Variants in GATB observed in about 807,000 individuals in gnomAD.
The protein encoded by GATB is glutamyl-tRNA amidotransferase subunit B, also known as glutamyl-tRNA(Gln) amidotransferase subunit B, mitochondrial.
GATB carries 39 observed loss-of-function variants against 62.3 expected under a neutral mutation model. The observed-to-expected ratio is 0.63, with a 90% CI of 0.48 to 0.82. GATB has a LOEUF of 0.82. Ranked by LOEUF, GATB falls within the 40% of genes least tolerant of loss-of-function variation. The pLI is 0.00. For missense variants in GATB, 670 were observed against 684.0 expected, an observed-to-expected ratio of 0.98 and a Z score of 0.23; for synonymous variants, 276 against 258.9, an observed-to-expected ratio of 1.07 and a Z score of -0.63.
At chr4:151,739,962 C>T (rs1739451725) in intron 2 of GATB, among the ~76,000 whole-genome samples, 1 of 152,216 alleles carries the variant, frequency 6.6e-6, no homozygotes, top group Non-Finnish European at 1.5e-5. Flanking sequence ...AAGCTTTCTG[C>T]AGAAGCAAGT....
At chr4:151,671,410 C>T in intron 12 of GATB, 108 bp from the exon 13 acceptor site, 1 of 1,069,732 alleles carries the variant, frequency 9.3e-7, no homozygotes, top group Non-Finnish European at 1.4e-6. Flanking sequence ...CGCTTATTTC[C>T]ACTAGTATTA....
intron 9 of GATB, among the ~76,000 whole-genome samples, chr4:151,697,985 A>ATATATATATATATATGTG (rs1560847802): frequency 2.2e-5 from 3 of 138,288 alleles, no homozygotes; most frequent in African/African-American, 8.7e-5. Flanking sequence ...ATATATATAT[A>ATATATATATATATATGTG]TATATATATG....
rs1737835791 is a variant in GATB, at chr4:151,670,720, A to T, written c.*454T>A. The T allele has an allele frequency of 6.5e-6, 1 of 154,886 alleles. No homozygotes were observed. The highest frequency in any genetic ancestry group is 6.4e-5 in the Admixed American group (1 of 15,690). The allele number at this position is 154,886 out of a possible 1,614,324, so 9.6% of individuals were successfully genotyped here. On this transcript the variant is annotated 3_prime_UTR_variant, in exon 13 of 13. Transcript: ENST00000263985. ...TGTTAACCTGTGTTTAGGTCTGAAA[A>T]CAATACATCCAAATTACAGTCTCTC...
At chr4:151,683,344 G>A (rs1738181634) in intron 10 of GATB, among the ~76,000 whole-genome samples, 1 of 152,044 alleles carries the variant, frequency 6.6e-6, no homozygotes, top group Admixed American at 6.6e-5. Context: ...TCCCCATCCC[G>A]CTGCACCCTG....
chr4:151,757,969 T>A (rs1739870627), intron 2 of GATB, among the ~76,000 whole-genome samples: 1 of 152,200 alleles, frequency 6.6e-6, no homozygotes, highest in Non-Finnish European at 1.5e-5. Context: ...ATTTACTTGT[T>A]CCCTTCATAC....
chr4:151,724,481 T>A (rs187948440), intron 2 of GATB: 9 of 152,394 alleles, frequency 5.9e-5, no homozygotes, highest in Admixed American at 4.6e-4. Flanking sequence ...TTCCCAGTCC[T>A]AACAGGATAA....
chr4:151,697,957 A>ATATATATATATATATATATATGTG, intron 9 of GATB, among the ~76,000 whole-genome samples: 1 of 49,702 alleles, frequency 2.0e-5, no homozygotes, highest in African/African-American at 8.9e-5. Flanking sequence ...GTGTGTGTAT[A>ATATATATATATATATATATATGTG]TATATATATA....
At chr4:151,700,322 A>T (rs1241015200) in intron 9 of GATB, among the ~76,000 whole-genome samples, 1 of 152,174 alleles carries the variant, frequency 6.6e-6, no homozygotes, top group Admixed American at 6.5e-5. Context: ...ATTGCCAGAG[A>T]GGTAAGAAGA....
intron 11 of GATB, chr4:151,677,883 G>A (rs1005725093): frequency 1.3e-5 from 2 of 151,306 alleles, no homozygotes; most frequent in African/African-American, 4.9e-5. Flanking sequence ...CTAAAAAAAA[G>A]TACACCATAA....
At chr4:151,697,594 C>T (rs926631647) in intron 9 of GATB, among the ~76,000 whole-genome samples, 5 of 151,308 alleles carry the variant, frequency 3.3e-5, no homozygotes, top group Admixed American at 6.6e-5. Context: ...CAAAATTGCA[C>T]TTGTAGCCCC....
chr4:151,752,021 G>C (rs1739730121), intron 2 of GATB, among the ~76,000 whole-genome samples: 1 of 152,156 alleles, frequency 6.6e-6, no homozygotes, highest in Non-Finnish European at 1.5e-5. Context: ...GAGTCTGTCT[G>C]AAAATACCAT....
chr4:151,698,972 G>A (rs1178905907), intron 9 of GATB, among the ~76,000 whole-genome samples: 3 of 151,696 alleles, frequency 2.0e-5, no homozygotes, highest in African/African-American at 7.3e-5. Flanking sequence ...CTGTGGGCTG[G>A]TTATTGTAGT....
At chr4:151,715,958 A>G (rs1279632758) in intron 5 of GATB, 51 bp downstream of exon 5, 6 of 1,592,516 alleles carry the variant, frequency 3.8e-6, no homozygotes, top group Non-Finnish European at 5.1e-6. Flanking sequence ...GAGAGGTTCT[A>G]GAAGGCAGGA....
chr4:151,752,164 C>T (rs918774543), intron 2 of GATB, among the ~76,000 whole-genome samples: 2 of 152,104 alleles, frequency 1.3e-5, no homozygotes, highest in Admixed American at 1.3e-4. Flanking sequence ...GTTGAAAAGT[C>T]TGATGTCTGA....
At chr4:151,705,538 T>C (rs1315372591) in intron 6 of GATB, among the ~76,000 whole-genome samples, 2 of 152,146 alleles carry the variant, frequency 1.3e-5, no homozygotes, top group African/African-American at 4.8e-5. Flanking sequence ...GCAGATGACA[T>C]GACTTGGCAG....
At chr4:151,744,166 C>A (rs1205631388) in intron 2 of GATB, among the ~76,000 whole-genome samples, 3 of 152,124 alleles carry the variant, frequency 2.0e-5, no homozygotes, top group South Asian at 4.1e-4. Context: ...TCAGCCAGGA[C>A]AAGAGACCCA....
Position 151,722,340 on chromosome 4 carries a change from C to T in GATB, c.328-2802G>A, listed in dbSNP as rs79858252. On this transcript the variant is annotated intron_variant, in intron 2 of 12. Coordinates refer to ENST00000263985, the MANE Select transcript of GATB (RefSeq NM_004564.3). The stretch of plus-strand genomic sequence containing the variant: ...ACATGAACCTGCCAGCATCTGCAAA[C>T]CCTTTTCAAGTTTGTCTTTCATACT... 1,798 of 633,412 alleles carry T rather than the reference C, an allele frequency of 2.8e-3. 18 individuals are homozygous for T. The highest frequency in any genetic ancestry group is 0.026 in the African/African-American group (1,419 of 54,378). 39.2% of individuals were successfully genotyped at this position (633,412 alleles called of 1,614,324 possible).
At chr4:151,759,845 A>G (rs759406218) in intron 1 of GATB, among the ~76,000 whole-genome samples, 3 of 152,094 alleles carry the variant, frequency 2.0e-5, no homozygotes, top group Non-Finnish European at 2.9e-5. Flanking sequence ...AATCATTTCA[A>G]CATATAAAGT....
At chr4:151,698,617 G>A (rs1002348232) in intron 9 of GATB, among the ~76,000 whole-genome samples, 3 of 152,132 alleles carry the variant, frequency 2.0e-5, no homozygotes, top group African/African-American at 4.8e-5. Flanking sequence ...TCATTTTCGG[G>A]TATGTTATGA....
Sources: allele counts gnomAD v4.1 joint callset (sites outside exome capture counted in the v4.1 genomes callset), GRCh38; gene constraint gnomAD v4.1.1; transcripts MANE v1.5; gene names NCBI Gene and HGNC (gene_info 2026-07-23, HGNC 2026-07-21).